The following BACE2 variants were observed in gnomAD, a reference collection of about 807,000 sequenced individuals.
The protein encoded by BACE2 is beta-secretase 2, also known as 56 kDa aspartic-like protease.
In BACE2, 17 loss-of-function variants were observed where a neutral mutation model predicts 46.2. The observed-to-expected ratio is 0.37, with a 90% confidence interval of 0.25 to 0.55. BACE2 has a LOEUF of 0.55. Ranked by LOEUF, BACE2 falls within the 20% of genes least tolerant of loss-of-function variation. The probability of loss-of-function intolerance (pLI) is 0.82; values close to 1 mark genes in which losing one functional copy is unlikely to be tolerated. For missense variants in BACE2, 595 were observed against 698.1 expected (o/e 0.85, Z 1.66); for synonymous variants, 277 against 295.9 (o/e 0.94, Z 0.66).
chr21:41,218,953 C>T (rs1346917898), intron 1 of BACE2, among the ~76,000 whole-genome samples: 1 of 151,858 alleles, frequency 6.6e-6, no homozygotes, highest in Non-Finnish European at 1.5e-5. Flanking sequence ...ACCTCCGCCT[C>T]CCGGGTTCAA....
intron 1 of BACE2, among the ~76,000 whole-genome samples, chr21:41,206,172 C>T (rs1986115657): frequency 6.6e-6 from 1 of 152,128 alleles, no homozygotes; most frequent in Admixed American, 6.5e-5. Context: ...GACTGGAAAC[C>T]CAAGGTCCAG....
intron 1 of BACE2, chr21:41,175,526 C>T (rs1984791023): frequency 6.6e-6 from 1 of 152,410 alleles, no homozygotes; most frequent in Non-Finnish European, 1.5e-5. Flanking sequence ...GGGAAATGGC[C>T]TTGTTGGCAG....
At chr21:41,244,604 G>A (rs927319016) in intron 5 of BACE2, among the ~76,000 whole-genome samples, 1 of 147,514 alleles carries the variant, frequency 6.8e-6, no homozygotes, top group African/African-American at 2.7e-5. Context: ...GGCAGGAACC[G>A]GCCATTTTCA....
intron 1 of BACE2, chr21:41,185,207 G>A (rs377007954): frequency 1.5e-4 from 24 of 165,238 alleles, no homozygotes; most frequent in African/African-American, 5.8e-4. Context: ...AATATAGATA[G>A]CAAGGTGTTA....
chr21:41,179,807 G>T, intron 1 of BACE2: 2 of 488,882 alleles, frequency 4.1e-6, no homozygotes, highest in Non-Finnish European at 7.2e-6. Flanking sequence ...ATTCAACAGT[G>T]TCCTGGGCTG....
At chr21:41,254,737 A>C (rs934820540) in intron 7 of BACE2, among the ~76,000 whole-genome samples, 1 of 152,222 alleles carries the variant, frequency 6.6e-6, no homozygotes, top group African/African-American at 2.4e-5. Flanking sequence ...ACTCATCTTC[A>C]TTTAACACTG....
At chr21:41,259,703 T>C (rs1346940588) in intron 8 of BACE2, among the ~76,000 whole-genome samples, 1 of 151,736 alleles carries the variant, frequency 6.6e-6, no homozygotes, top group Non-Finnish European at 1.5e-5. Context: ...ATAATTTTAC[T>C]AGATGGGCAT....
chr21:41,225,887 A>G (rs1986803696), intron 1 of BACE2, among the ~76,000 whole-genome samples: 1 of 152,182 alleles, frequency 6.6e-6, no homozygotes, highest in Non-Finnish European at 1.5e-5. Flanking sequence ...CGAGATTTGG[A>G]AAAGCAAGGG....
At chr21:41,206,213 C>T (rs532879175) in intron 1 of BACE2, among the ~76,000 whole-genome samples, 19 of 152,300 alleles carry the variant, frequency 1.2e-4, no homozygotes, top group Admixed American at 3.9e-4. Flanking sequence ...CAACGAGGGC[C>T]ACCTTCTGGG....
At position 41,193,391 on chromosome 21, in the gene BACE2, G is replaced by C. The variant is rs1020456180; in HGVS notation, c.312+24816G>C. 6.6e-6 allele frequency among the ~76,000 whole-genome samples: 1 copy of C among 152,190 alleles called. No individual in the cohort carries two copies. Among genetic ancestry groups the C allele is most frequent in the Non-Finnish European group, 1.5e-5 (1 of 68,036 alleles). ...CAGCTGCAATTGGAGTCACCACTTG[G>C]TTAAGCTTACAGTAACCCACTGTCA... is the stretch of plus-strand genomic sequence containing the variant. On this transcript the variant is annotated intron_variant, in intron 1 of 8. Transcript: ENST00000330333. The surrounding 1 kb of genome is among the most constrained non-coding windows in gnomAD (Gnocchi z 4.2).
At chr21:41,209,119 C>T (rs893015599) in intron 1 of BACE2, among the ~76,000 whole-genome samples, 9 of 152,214 alleles carry the variant, frequency 5.9e-5, no homozygotes, top group Admixed American at 2.6e-4. Context: ...CTGAACACAC[C>T]GCCAGGCCAT....
At chr21:41,173,131 C>T (rs997813273) in intron 1 of BACE2, among the ~76,000 whole-genome samples, 5 of 152,228 alleles carry the variant, frequency 3.3e-5, no homozygotes, top group Admixed American at 6.5e-5. Context: ...TTCACAGGTA[C>T]CGGAGTTACG....
chr21:41,244,549 G>A (rs113268167), intron 5 of BACE2, among the ~76,000 whole-genome samples: 3 of 116,852 alleles, frequency 2.6e-5, no homozygotes, highest in African/African-American at 7.0e-5. Flanking sequence ...TTAAGGCAGG[G>A]ACTGGCCATT....
At chr21:41,246,583 AT>A (rs1350303290) in intron 6 of BACE2, among the ~76,000 whole-genome samples, 3 of 152,204 alleles carry the variant, frequency 2.0e-5, no homozygotes, top group African/African-American at 7.2e-5. Context: ...AAAGAATACC[AT>A]TTTTTCACAG....
In BACE2 at chr21:41,241,953, T is replaced by C; in HGVS notation, c.747+6T>C. 1 of 1,613,998 alleles carries C rather than the reference T, an allele frequency of 6.2e-7. No individual in the cohort carries two copies. The highest frequency in any genetic ancestry group is 8.5e-7 in the Non-Finnish European group (1 of 1,179,984). On this transcript the variant is annotated splice_donor_region_variant and intron_variant, in intron 4 of 8. Coordinates refer to ENST00000330333, the MANE Select transcript of BACE2 (RefSeq NM_012105.5). ...GGACCAACGGAGGTAGTCTTGTGGG[T>C]ATCTTTTAGTCTTAAAGGGGCGAAA...
At chr21:41,269,703 A>G (rs2088416074) in intron 8 of BACE2, among the ~76,000 whole-genome samples, 1 of 152,236 alleles carries the variant, frequency 6.6e-6, no homozygotes, top group Non-Finnish European at 1.5e-5. Flanking sequence ...TCAATTAGGC[A>G]TTATAGTTTC....
chr21:41,222,296 A>G (rs1169285103), intron 1 of BACE2, among the ~76,000 whole-genome samples: 2 of 152,058 alleles, frequency 1.3e-5, no homozygotes, highest in Non-Finnish European at 2.9e-5. Flanking sequence ...TATGGGAGGG[A>G]AAGGGATGCA....
intron 1 of BACE2, among the ~76,000 whole-genome samples, chr21:41,217,370 T>C (rs761875236): frequency 1.4e-4 from 21 of 152,256 alleles, no homozygotes; most frequent in Non-Finnish European, 2.6e-4. Flanking sequence ...CCTAGTATTC[T>C]CTGATTTGCC....
chr21:41,225,690 C>T (rs1986795511), intron 1 of BACE2: 1 of 152,492 alleles, frequency 6.6e-6, no homozygotes, highest in Non-Finnish European at 1.5e-5. Context: ...TGCCAAAACT[C>T]ACCAGGTGAG....
Sources: gnomAD v4.1 joint callset for allele counts (sites outside exome capture counted in the v4.1 genomes callset) on GRCh38, gnomAD v4.1.1 for gene constraint, Gnocchi (gnomAD v3.1) non-coding constraint, MANE v1.5 for transcripts, NCBI Gene and HGNC (gene_info 2026-07-23, HGNC 2026-07-21) for gene names.